The following CACNA2D3 variants were observed in gnomAD, a reference collection of about 807,000 sequenced individuals.
CACNA2D3 encodes the protein calcium voltage-gated channel auxiliary subunit alpha2delta 3.
A neutral mutation model predicts 160.6 loss-of-function variants in CACNA2D3; 60 were observed. That is an observed-to-expected ratio of 0.37 (90% confidence interval 0.30 to 0.46). The LOEUF (loss-of-function observed/expected upper bound fraction) is 0.46. Among genes scored for constraint, CACNA2D3 ranks in the 20% least tolerant of loss-of-function variants. CACNA2D3 has a pLI of 1.00. For missense variants in CACNA2D3, 1,205 were observed against 1,365.0 expected (o/e 0.88, Z 1.85); for synonymous variants, 558 against 492.9 (o/e 1.13, Z -1.75).
chr3:54,738,521 A>G (rs577872664), intron 11 of CACNA2D3, among the ~76,000 whole-genome samples: 4 of 152,288 alleles, frequency 2.6e-5, no homozygotes, highest in African/African-American at 9.6e-5. Context: ...AACAACAAAC[A>G]AGCAAATAAA....
At chr3:54,706,770 G>T (rs1396235125) in intron 11 of CACNA2D3, among the ~76,000 whole-genome samples, 1 of 152,200 alleles carries the variant, frequency 6.6e-6, no homozygotes, top group Non-Finnish European at 1.5e-5. Context: ...AAAGCTCACA[G>T]AGGGAAACAT....
At chr3:54,262,197 G>A (rs1194628815) in intron 2 of CACNA2D3, among the ~76,000 whole-genome samples, 4 of 152,202 alleles carry the variant, frequency 2.6e-5, no homozygotes, top group East Asian at 1.9e-4. Context: ...TTGCTTTGGC[G>A]GCAGGGCTTG....
At chr3:54,632,127 C>G (rs1276065012) in intron 10 of CACNA2D3, 2 of 152,190 alleles carry the variant, frequency 1.3e-5, no homozygotes, top group Non-Finnish European at 2.9e-5. Flanking sequence ...AAAGATATTA[C>G]TCATCAAACC....
chr3:54,463,988 C>A (rs1700559239), intron 4 of CACNA2D3, among the ~76,000 whole-genome samples: 1 of 152,156 alleles, frequency 6.6e-6, no homozygotes, highest in African/African-American at 2.4e-5. Context: ...TTCCTTCTAC[C>A]ATACAGGACC....
intron 11 of CACNA2D3, among the ~76,000 whole-genome samples, chr3:54,726,424 A>G (rs1342799657): frequency 6.6e-6 from 1 of 152,208 alleles, no homozygotes; most frequent in Non-Finnish European, 1.5e-5. Flanking sequence ...TAAACTTCAT[A>G]TGCAACCAAA....
intron 4 of CACNA2D3, among the ~76,000 whole-genome samples, chr3:54,475,292 G>A (rs1379078024): frequency 6.6e-6 from 1 of 152,128 alleles, no homozygotes; most frequent in Admixed American, 6.6e-5. Flanking sequence ...GATTTAATCT[G>A]GGGCAGAAAA....
intron 30 of CACNA2D3, among the ~76,000 whole-genome samples, chr3:54,986,464 T>G (rs1295324248): frequency 6.6e-6 from 1 of 152,210 alleles, no homozygotes; most frequent in East Asian, 1.9e-4. Context: ...CTAGCAGTAG[T>G]ACACGCCCAC....
chr3:54,157,617 C>A (rs1700267107), intron 2 of CACNA2D3, among the ~76,000 whole-genome samples: 1 of 152,042 alleles, frequency 6.6e-6, no homozygotes, highest in Non-Finnish European at 1.5e-5. Flanking sequence ...TGGAGAATCC[C>A]TGTCTCTACT....
intron 12 of CACNA2D3, among the ~76,000 whole-genome samples, chr3:54,758,545 T>G (rs758547090): frequency 8.5e-5 from 13 of 152,296 alleles, no homozygotes; most frequent in Non-Finnish European, 1.5e-4. Context: ...TGTTTATAAA[T>G]TGTACCTTTT....
chr3:54,793,336 G>T (rs1158565502), intron 13 of CACNA2D3, among the ~76,000 whole-genome samples: 1 of 152,226 alleles, frequency 6.6e-6, no homozygotes, highest in Non-Finnish European at 1.5e-5. Context: ...CCTGTGCTCT[G>T]TGCAACTGTT....
intron 29 of CACNA2D3, among the ~76,000 whole-genome samples, chr3:54,970,871 AC>A (rs1559450994): frequency 6.6e-6 from 1 of 151,884 alleles, no homozygotes; most frequent in East Asian, 2.0e-4. Flanking sequence ...TGTAAACTAG[AC>A]CTTATAAATA....
At chr3:54,205,794 G>A (rs1701265993) in intron 2 of CACNA2D3, among the ~76,000 whole-genome samples, 1 of 152,312 alleles carries the variant, frequency 6.6e-6, no homozygotes, top group East Asian at 1.9e-4. Context: ...AGAAAGGGTT[G>A]CGGTGGAGGA....
chr3:54,631,203 A>AACACACACACACACACACACACAC (rs67944483), intron 10 of CACNA2D3, among the ~76,000 whole-genome samples: 97 of 145,876 alleles, frequency 6.6e-4, no homozygotes, highest in African/African-American at 2.2e-3. Context: ...GACTCCATCA[A>AACACACACACACACACACACACAC]ACACACACAC....
intron 11 of CACNA2D3, among the ~76,000 whole-genome samples, chr3:54,730,734 C>G (rs1701368698): frequency 6.6e-6 from 1 of 152,080 alleles, no homozygotes; most frequent in African/African-American, 2.4e-5. Context: ...AACTTCTGAC[C>G]TCAGGTGATC....
At chr3:54,192,113 T>A (rs568029450) in intron 2 of CACNA2D3, among the ~76,000 whole-genome samples, 1 of 152,132 alleles carries the variant, frequency 6.6e-6, no homozygotes, top group Admixed American at 6.5e-5. Flanking sequence ...TGCTTTTTTT[T>A]TTTTTTTCTT....
At chr3:54,483,801 T>C (rs556094093) in intron 4 of CACNA2D3, among the ~76,000 whole-genome samples, 179 of 152,334 alleles carry the variant, frequency 1.2e-3, no homozygotes, top group African/African-American at 3.9e-3. Context: ...CTGTAACTTA[T>C]TGTAATTCAG....
intron 2 of CACNA2D3, among the ~76,000 whole-genome samples, chr3:54,299,349 G>A (rs929648503): frequency 6.6e-6 from 1 of 152,116 alleles, no homozygotes; most frequent in Non-Finnish European, 1.5e-5. Flanking sequence ...TCCCAGTCCC[G>A]CTCCGCTAGC....
At chr3:54,795,994 G>T (rs913516838) in intron 13 of CACNA2D3, among the ~76,000 whole-genome samples, 6 of 152,180 alleles carry the variant, frequency 3.9e-5, no homozygotes, top group Non-Finnish European at 8.8e-5. Context: ...AATGTAGTTT[G>T]AGAGAATCAG....
intron 13 of CACNA2D3, among the ~76,000 whole-genome samples, chr3:54,807,751 C>G (rs1260341342): frequency 6.6e-6 from 1 of 151,988 alleles, no homozygotes; most frequent in Non-Finnish European, 1.5e-5. Flanking sequence ...AAGACACATG[C>G]ACACATATGT....
Sources: gnomAD v4.1 joint callset for allele counts (sites outside exome capture counted in the v4.1 genomes callset) on GRCh38, gnomAD v4.1.1 for gene constraint, MANE v1.5 for transcripts, NCBI Gene and HGNC (gene_info 2026-07-23, HGNC 2026-07-21) for gene names.